Variants in KLF12 observed in about 807,000 individuals in gnomAD.
KLF12 encodes the protein KLF transcription factor 12, also known as Krueppel-like factor 12.
In KLF12, 9 loss-of-function variants were observed where a neutral mutation model predicts 37.8. That is an observed-to-expected ratio of 0.24 (90% CI 0.14 to 0.42). The LOEUF is 0.42. Among genes scored for constraint, KLF12 ranks in the 10% least tolerant of loss-of-function variants. KLF12 has a pLI of 1.00. For missense variants in KLF12, 411 were observed against 516.0 expected (o/e 0.80, Z 1.97); for synonymous variants, 208 against 202.1 (o/e 1.03, Z -0.25).
the KLF12 span, among the ~76,000 whole-genome samples, chr13:74,209,234 T>C: frequency 6.6e-6 from 1 of 152,022 alleles, no homozygotes; most frequent in Non-Finnish European, 1.5e-5. Flanking sequence ...CTCGGTGAAG[T>C]GCAGTGAGAG....
chr13:73,934,658 T>C (rs7992210), intron 3 of KLF12, among the ~76,000 whole-genome samples: 87,856 of 151,922 alleles, frequency 0.58, 25,591 homozygotes, highest in Admixed American at 0.66. Flanking sequence ...CTATGTCCTT[T>C]ATTACTTGTT....
At chr13:74,162,521 T>G in the KLF12 span, among the ~76,000 whole-genome samples, 1 of 152,206 alleles carries the variant, frequency 6.6e-6, no homozygotes, top group Non-Finnish European at 1.5e-5. Flanking sequence ...AACTTGCCCA[T>G]TTTCTTTTGT....
At chr13:73,717,001 G>A (rs146650597) in intron 6 of KLF12, among the ~76,000 whole-genome samples, 8 of 152,194 alleles carry the variant, frequency 5.3e-5, no homozygotes, top group South Asian at 2.1e-4. Flanking sequence ...AACTTAGATC[G>A]GGGGTCAGTG....
intron 1 of KLF12, among the ~76,000 whole-genome samples, chr13:74,100,984 T>C (rs1311810806): frequency 6.6e-6 from 1 of 152,096 alleles, no homozygotes; most frequent in African/African-American, 2.4e-5. Flanking sequence ...CCAGGGAAAA[T>C]TAATCACCAA....
chr13:73,769,232 A>G (rs1880121648), intron 5 of KLF12, among the ~76,000 whole-genome samples: 1 of 152,218 alleles, frequency 6.6e-6, no homozygotes, highest in African/African-American at 2.4e-5. Context: ...ATGCTTCCTC[A>G]CATTCCATTT....
chr13:73,777,597 A>T (rs927784938), intron 5 of KLF12, among the ~76,000 whole-genome samples: 2 of 152,132 alleles, frequency 1.3e-5, no homozygotes. Context: ...AATCCCAGCT[A>T]CACAGGAGGA....
chr13:73,703,976 T>C (rs1192375453), intron 7 of KLF12, among the ~76,000 whole-genome samples: 3 of 152,184 alleles, frequency 2.0e-5, no homozygotes, highest in Non-Finnish European at 2.9e-5. Context: ...AAGTGAACTT[T>C]AGTGTAAGTA....
At chr13:74,028,560 T>C (rs1306245517) in intron 1 of KLF12, among the ~76,000 whole-genome samples, 1 of 152,090 alleles carries the variant, frequency 6.6e-6, no homozygotes, top group Non-Finnish European at 1.5e-5. Flanking sequence ...TTATAATCCC[T>C]AATATTTTTA....
chr13:73,932,034 AAAAAG>A (rs202124455), intron 3 of KLF12, among the ~76,000 whole-genome samples: 2,547 of 152,232 alleles, frequency 0.017, 54 homozygotes, highest in African/African-American at 0.058. Flanking sequence ...AGTTAAAAAA[AAAAAG>A]AAAAGAAATT....
chr13:73,892,606 A>T (rs1887560940), intron 3 of KLF12, among the ~76,000 whole-genome samples: 1 of 152,214 alleles, frequency 6.6e-6, no homozygotes, highest in South Asian at 2.1e-4. Context: ...TAGAAATCTA[A>T]TGGCCATCAA....
chr13:74,122,657 T>G (rs748344491), intron 1 of KLF12, among the ~76,000 whole-genome samples: 4 of 151,880 alleles, frequency 2.6e-5, no homozygotes, highest in Non-Finnish European at 5.9e-5. Context: ...AATGAGTGAG[T>G]AGACTATGAA....
the KLF12 span, among the ~76,000 whole-genome samples, chr13:74,290,839 T>C: frequency 8.5e-5 from 13 of 152,346 alleles, no homozygotes; most frequent in South Asian, 4.1e-4. Flanking sequence ...TTACATGCCA[T>C]TGGATGCTAG....
chr13:73,872,865 CTT>C (rs1473982867), intron 3 of KLF12, among the ~76,000 whole-genome samples: 2 of 152,260 alleles, frequency 1.3e-5, no homozygotes, highest in African/African-American at 4.8e-5. Context: ...GAGTGGAAGT[CTT>C]TAGGCTCAGC....
At chr13:74,279,335 T>C in the KLF12 span, among the ~76,000 whole-genome samples, 1 of 152,154 alleles carries the variant, frequency 6.6e-6, no homozygotes, top group South Asian at 2.1e-4. Context: ...GAATGTAAAG[T>C]ATTTTACATT....
intron 2 of KLF12, among the ~76,000 whole-genome samples, chr13:73,991,312 A>C (rs550042582): frequency 6.6e-6 from 1 of 152,350 alleles, no homozygotes; most frequent in Admixed American, 6.5e-5. Context: ...GCTCAACATA[A>C]CACTAATGCA....
At chr13:73,831,310 G>C (rs1884145530) in intron 4 of KLF12, among the ~76,000 whole-genome samples, 1 of 152,008 alleles carries the variant, frequency 6.6e-6, no homozygotes, top group South Asian at 2.1e-4. Flanking sequence ...ATGAGTCTTA[G>C]TTTTCTCATT....
the KLF12 span, among the ~76,000 whole-genome samples, chr13:74,268,784 T>C: frequency 0.05 from 7,592 of 152,278 alleles, 627 homozygotes; most frequent in African/African-American, 0.17. Flanking sequence ...GAGGATTTAG[T>C]AAGCAAGAGA....
At chr13:74,197,858 C>T in the KLF12 span, among the ~76,000 whole-genome samples, 2 of 152,142 alleles carry the variant, frequency 1.3e-5, no homozygotes, top group African/African-American at 4.8e-5. Flanking sequence ...TGGCAGTCAT[C>T]CCTCCAGGAG....
chr13:73,906,693 C>T (rs7317806), intron 3 of KLF12, among the ~76,000 whole-genome samples: 2 of 152,148 alleles, frequency 1.3e-5, no homozygotes, highest in South Asian at 2.1e-4. Flanking sequence ...CTAATTCTCA[C>T]ATATAATGTC....
Sources: gnomAD v4.1 joint callset for allele counts (sites outside exome capture counted in the v4.1 genomes callset) on GRCh38, gnomAD v4.1.1 for gene constraint, MANE v1.5 for transcripts, NCBI Gene and HGNC (gene_info 2026-07-23, HGNC 2026-07-21) for gene names.